The following MYH11 variants were observed in gnomAD, a reference collection of about 807,000 sequenced individuals.
MYH11 encodes the protein myosin heavy chain 11.
Under a neutral mutation model 246.6 loss-of-function variants are expected in MYH11, and 80 were observed. That is an observed-to-expected ratio of 0.32 (90% CI 0.27 to 0.39). The LOEUF (loss-of-function observed/expected upper bound fraction) is 0.39. MYH11 is among the 10% of genes least tolerant of loss of function. The pLI, the probability that MYH11 is intolerant of heterozygous loss-of-function variation, is 1.00. For missense variants in MYH11, 2,158 were observed against 2,546.8 expected (o/e 0.85, Z 3.29); for synonymous variants, 1,071 against 1,015.5 (o/e 1.05, Z -1.04).
intron 4 of MYH11, among the ~76,000 whole-genome samples, chr16:15,788,882 C>G (rs1035462844): frequency 2.0e-5 from 3 of 151,016 alleles, no homozygotes; most frequent in African/African-American, 7.3e-5. Context: ...GAACTGGCCA[C>G]GTTTATAATA....
chr16:15,738,766 C>T (rs2041194365), intron 23 of MYH11, 78 bp from the exon 24 acceptor site: 6 of 1,522,692 alleles, frequency 3.9e-6, no homozygotes, highest in Non-Finnish European at 5.4e-6. Flanking sequence ...TAGTGATTTC[C>T]ATGTAAACAG....
At chr16:15,822,821 C>T (rs929919113) in intron 3 of MYH11, among the ~76,000 whole-genome samples, 1 of 152,240 alleles carries the variant, frequency 6.6e-6, no homozygotes, top group African/African-American at 2.4e-5. Flanking sequence ...CAAGAAGCTA[C>T]AAGATAGAGA....
chr16:15,704,972 C>G (rs79741230), intron 40 of MYH11, among the ~76,000 whole-genome samples: 4 of 152,162 alleles, frequency 2.6e-5, no homozygotes, highest in Non-Finnish European at 5.9e-5. Flanking sequence ...GGCCACCACA[C>G]CTGGCCTTCA....
chr16:15,832,941 A>ATTT (rs2043779745), intron 2 of MYH11, among the ~76,000 whole-genome samples: 1 of 86,192 alleles, frequency 1.2e-5, no homozygotes, highest in Non-Finnish European at 2.3e-5. Context: ...CAGCAACCTC[A>ATTT]TCTTTTTTTT....
intron 3 of MYH11, among the ~76,000 whole-genome samples, chr16:15,802,401 G>A (rs998418597): frequency 5.9e-5 from 9 of 152,306 alleles, no homozygotes; most frequent in Admixed American, 4.6e-4. Context: ...GGGTTGAACT[G>A]TGACTCCCAA....
At chr16:15,842,587 C>T (rs2044082613) in intron 1 of MYH11, among the ~76,000 whole-genome samples, 1 of 150,912 alleles carries the variant, frequency 6.6e-6, no homozygotes, top group South Asian at 2.1e-4. Flanking sequence ...CGTGGCGAAA[C>T]CTGATCTCTA....
In MYH11 at chr16:15,717,145, C is replaced by G. The variant is rs145252402; in HGVS notation, c.5499G>C (p.Glu1833Asp). 905 of 1,614,094 alleles carry G rather than the reference C, an allele frequency of 5.6e-4. No individual in the cohort carries two copies. The highest frequency in any genetic ancestry group is 7.3e-4 in the Non-Finnish European group (860 of 1,180,042). Residue 1833 changes from glutamate (E) to aspartate (D), a missense_variant, in exon 38 of 41, where the codon GAG (glutamate) becomes GAC (aspartate). Physicochemically the swap from Glu to Asp is conservative, Grantham distance 45. This residue lies in a region of MYH11 where 1,013 missense variants were observed against 993.5 expected (regional missense o/e 1.02). Transcript: ENST00000300036. Reference protein sequence around the residue: ...IAQLEEQVEQEAREKQAATKS... With the variant: ...IAQLEEQVEQDAREKQAATKS... ...GGAACTCCACACCCGCATACCTGGCCTCCTGCTCGACCTGCTCCTCCAGCT... is the reference window on the plus strand; with the variant it reads ...GGAACTCCACACCCGCATACCTGGCGTCCTGCTCGACCTGCTCCTCCAGCT...
intron 15 of MYH11, among the ~76,000 whole-genome samples, chr16:15,752,907 G>A (rs976856240): frequency 6.6e-6 from 1 of 152,120 alleles, no homozygotes; most frequent in South Asian, 2.1e-4. Flanking sequence ...CTTCCAGGGG[G>A]TCATGATGCC....
chr16:15,711,633 C>T (rs995812516), intron 40 of MYH11, among the ~76,000 whole-genome samples: 12 of 151,980 alleles, frequency 7.9e-5, no homozygotes, highest in African/African-American at 2.9e-4. Flanking sequence ...GAGAATGAAG[C>T]GGGGAAAATA....
chr16:15,772,779 A>C (rs1186361388), intron 8 of MYH11, among the ~76,000 whole-genome samples: 2 of 152,160 alleles, frequency 1.3e-5, no homozygotes, highest in Non-Finnish European at 2.9e-5. Context: ...GCTGCTGCCC[A>C]TCGCTTGCAT....
intron 2 of MYH11, among the ~76,000 whole-genome samples, chr16:15,827,078 T>A (rs2043591188): frequency 6.7e-6 from 1 of 149,384 alleles, no homozygotes; most frequent in South Asian, 2.1e-4. Flanking sequence ...GGAGAATGAA[T>A]GAGTCAACAT....
At chr16:15,761,566 C>G (rs963830813) in intron 10 of MYH11, among the ~76,000 whole-genome samples, 1 of 151,936 alleles carries the variant, frequency 6.6e-6, no homozygotes, top group Admixed American at 6.6e-5. Context: ...CCTAAATGCT[C>G]TTCTTTTATT....
At position 15,729,975 on chromosome 16, in the gene MYH11, C is replaced by T. The variant is rs372924477; in HGVS notation, c.3651+2589G>A. 6.6e-5 allele frequency among the ~76,000 whole-genome samples: 10 copies of T among 152,234 alleles called. No individual in the cohort carries two copies. The East Asian group carries it at 1.2e-3, about 18-fold the overall frequency. ...TGCTGGGATTATAAGCATGAGCCAC[C>T]GCGCCCGGCCTTTGGGGGCAGTTTC... is the stretch of plus-strand genomic sequence containing the variant. On this transcript the variant is annotated intron_variant, in intron 27 of 40. Transcript: ENST00000300036.
At chr16:15,755,414 G>A (rs770397287) in intron 14 of MYH11, among the ~76,000 whole-genome samples, 1 of 152,172 alleles carries the variant, frequency 6.6e-6, no homozygotes, top group Non-Finnish European at 1.5e-5. Context: ...GCCAGGTGTG[G>A]ATGTATTAGT....
chr16:15,746,510 T>C (rs539594998), intron 19 of MYH11, among the ~76,000 whole-genome samples: 7 of 152,250 alleles, frequency 4.6e-5, no homozygotes, highest in African/African-American at 1.7e-4. Context: ...CTTGACCATC[T>C]TGGGTCCATG....
chr16:15,773,699 G>C (rs1166117441), intron 8 of MYH11, among the ~76,000 whole-genome samples: 1 of 152,146 alleles, frequency 6.6e-6, no homozygotes, highest in African/African-American at 2.4e-5. Context: ...CTGCTCTGAT[G>C]TCCTTGTTTA....
Position 15,819,836 on chromosome 16 carries a change from A to G in MYH11, c.502+3419T>C, listed in dbSNP as rs556912611. 4.6e-5 allele frequency among the ~76,000 whole-genome samples: 7 copies of G among 152,324 alleles called. No homozygotes were observed. In the East Asian group the frequency reaches 1.3e-3, roughly 29 times the overall value. On this transcript the variant is annotated intron_variant, in intron 3 of 40. Coordinates refer to ENST00000300036, the MANE Select transcript of MYH11 (RefSeq NM_002474.3). ...AGGTTGGGGACTGCTGGTCTAGGAA[A>G]GCAAAAGTCCCCACAACACAAAAGT...
At chr16:15,715,656 G>A (rs1356395892) in intron 38 of MYH11, among the ~76,000 whole-genome samples, 1 of 152,118 alleles carries the variant, frequency 6.6e-6, no homozygotes, top group Non-Finnish European at 1.5e-5. Flanking sequence ...GCAAGGTCTT[G>A]CTGTGTGACC....
At position 15,703,590 on chromosome 16, in the gene MYH11, G is replaced by A. The variant is rs2039298957; in HGVS notation, c.*401C>T. The stretch of plus-strand genomic sequence containing the variant: ...TACCTTGAATACAGGGGTAGTAGGG[G>A]TGGTGGTGGTGGTGGTGGTTGAGAC... On this transcript the variant is annotated 3_prime_UTR_variant, in exon 41 of 41. Coordinates refer to ENST00000300036, the MANE Select transcript of MYH11 (RefSeq NM_002474.3). 3.0e-6 allele frequency: 1 copy of A among 332,966 alleles called. No individual in the cohort carries two copies. The highest frequency in any genetic ancestry group is 2.1e-5 in the African/African-American group (1 of 48,112). 20.6% of individuals were successfully genotyped at this position (332,966 alleles called of 1,614,324 possible). A position where few individuals can be genotyped will look rare whatever the true frequency, so the allele number is the denominator to read the frequency against.
Sources: allele counts gnomAD v4.1 joint callset (sites outside exome capture counted in the v4.1 genomes callset), GRCh38; gene constraint gnomAD v4.1.1; regional missense constraint gnomAD v4.1.1; transcripts MANE v1.5; gene names NCBI Gene and HGNC (gene_info 2026-07-23, HGNC 2026-07-21).